PDXDC1: variants seen among roughly 807,000 people sequenced by gnomAD.
PDXDC1 encodes pyridoxal dependent decarboxylase domain containing 1.
Under a neutral mutation model 100.1 loss-of-function variants are expected in PDXDC1, and 42 were observed. That is an observed-to-expected ratio of 0.42 (90% CI 0.33 to 0.54). The LOEUF is 0.54. PDXDC1 is among the 20% of genes least tolerant of loss of function. The pLI is 0.10. For missense variants in PDXDC1, 636 were observed against 979.2 expected (o/e 0.65, Z 4.68); for synonymous variants, 260 against 371.7 (o/e 0.70, Z 3.46).
intron 14 of PDXDC1, among the ~76,000 whole-genome samples, chr16:15,028,417 TTTC>T (rs2042790720): frequency 6.6e-6 from 1 of 152,286 alleles, no homozygotes; most frequent in Non-Finnish European, 1.5e-5. Context: ...ATGGAGTGAT[TTTC>T]TTTCTTTATG....
chr16:15,001,497 TAAATAA>T (rs762572852), intron 3 of PDXDC1, among the ~76,000 whole-genome samples: 5 of 152,250 alleles, frequency 3.3e-5, no homozygotes, highest in Non-Finnish European at 5.9e-5. Context: ...TCAAAATAAA[TAAATAA>T]AAATAAAAAG....
In PDXDC1 at chr16:15,104,227, A is replaced by G. The variant is rs554483002; in HGVS notation, c.1400-34652A>G. ...ATAACCAACCACTTCTAAAGATTAA[A>G]AAAACCCCTACGATTAAAAACCTCA... On this transcript the variant is annotated intron_variant, in intron 16 of 16. Coordinates refer to the PDXDC1 transcript ENST00000535621. 6.1e-5 allele frequency: 73 copies of G among 1,199,748 alleles called. No homozygotes were observed. The African/African-American group carries it at 1.1e-3, about 19-fold the overall frequency. 74.3% of individuals were successfully genotyped at this position (1,199,748 alleles called of 1,614,324 possible).
Position 15,080,952 on chromosome 16 carries a change from G to A in PDXDC1, c.1399+50896G>A, listed in dbSNP as rs576356140. Among the ~76,000 whole-genome samples the A allele has an allele frequency of 2.6e-5, 4 of 151,596 alleles. No individual in the cohort carries two copies. The South Asian group carries it at 8.4e-4, about 32-fold the overall frequency. ...TACACAGTTTGTGGCATGTTTTTAG[G>A]GTTCAATCATGTTGTAACATGTAAA... On this transcript the variant is annotated intron_variant, in intron 16 of 16. Transcript: ENST00000535621.
intron 14 of PDXDC1, 144 bp from the exon 15 acceptor site, chr16:15,028,734 T>C (rs2042821231): frequency 7.2e-6 from 5 of 696,074 alleles, no homozygotes; most frequent in East Asian, 2.8e-5. Flanking sequence ...GTAGCCCTTC[T>C]GTCAGATAAT....
chr16:14,982,269 C>T (rs1178644399), intron 1 of PDXDC1, among the ~76,000 whole-genome samples: 4 of 152,308 alleles, frequency 2.6e-5, no homozygotes, highest in Non-Finnish European at 4.4e-5. Flanking sequence ...CACACTCAAG[C>T]GTAGAGACCA....
chr16:15,140,569 C>G (rs1473489795), downstream of PDXDC1, among the ~76,000 whole-genome samples: 3 of 152,064 alleles, frequency 2.0e-5, no homozygotes, highest in Non-Finnish European at 4.4e-5. Flanking sequence ...TTGGTCACAG[C>G]CATGGGAAAG....
At chr16:15,029,132 C>G (rs1270711366) in intron 15 of PDXDC1, 166 bp downstream of exon 15, 1 of 782,438 alleles carries the variant, frequency 1.3e-6, no homozygotes, top group African/African-American at 1.7e-5. Context: ...TGCGTTACCA[C>G]CTCACGAGCT....
At chr16:15,047,289 C>G in intron 16 of PDXDC1, 1 of 628,138 alleles carries the variant, frequency 1.6e-6, no homozygotes, top group Non-Finnish European at 2.9e-6. Flanking sequence ...ACTGCTGACG[C>G]AGTGCCCACG....
chr16:15,070,665 T>A (rs1338956499), intron 16 of PDXDC1, among the ~76,000 whole-genome samples: 2 of 152,164 alleles, frequency 1.3e-5, no homozygotes, highest in Non-Finnish European at 2.9e-5. Context: ...TGAATAATTT[T>A]GTGGTTGGGG....
intron 16 of PDXDC1, among the ~76,000 whole-genome samples, chr16:15,080,518 C>G (rs1597957291): frequency 1.3e-5 from 2 of 152,176 alleles, no homozygotes. Flanking sequence ...CACTGCAACC[C>G]TGAATTCCCA....
intron 1 of PDXDC1, among the ~76,000 whole-genome samples, chr16:14,978,446 G>A (rs867866023): frequency 8.5e-5 from 13 of 152,292 alleles, no homozygotes; most frequent in South Asian, 2.1e-4. Context: ...CTGGAGAGCC[G>A]TGGTACAATC....
At chr16:15,133,403 G>A in intron 16 of PDXDC1, 1 of 1,098,818 alleles carries the variant, frequency 9.1e-7, no homozygotes, top group Middle Eastern at 2.9e-4. Context: ...GTTGGGCTCT[G>A]GGAGGGTGAT....
chr16:14,984,807 T>A (rs1202980156), intron 1 of PDXDC1, among the ~76,000 whole-genome samples: 2 of 152,338 alleles, frequency 1.3e-5, no homozygotes, highest in South Asian at 4.1e-4. Flanking sequence ...TATAATTTTT[T>A]AAATTCACAC....
At chr16:15,088,931 G>A (rs1598001074) in intron 16 of PDXDC1, among the ~76,000 whole-genome samples, 1 of 151,950 alleles carries the variant, frequency 6.6e-6, no homozygotes, top group East Asian at 1.9e-4. Flanking sequence ...ATGAAAGATG[G>A]AGCCCAGCCA....
chr16:15,094,279 C>G (rs1437159422), intron 16 of PDXDC1: 12 of 1,434,282 alleles, frequency 8.4e-6, no homozygotes, highest in Non-Finnish European at 1.1e-5. Context: ...GGATGCCCAG[C>G]TCCTTCCAGC....
At position 15,038,326 on chromosome 16, in the gene PDXDC1, G is replaced by A. The variant is rs1016694168; in HGVS notation, c.*2051G>A. On this transcript the variant is annotated 3_prime_UTR_variant, in exon 23 of 23. Transcript: ENST00000396410. ...AAATATATATAATAAAATACGTTAA[G>A]AAATGAGGTGGCCTGAATTAGTAAG... 1.3e-6 allele frequency: 1 copy of A among 772,402 alleles called. No individual in the cohort carries two copies. Among genetic ancestry groups the A allele is most frequent in the South Asian group, 2.0e-5 (1 of 49,318 alleles). 47.8% of individuals were successfully genotyped at this position (772,402 alleles called of 1,614,324 possible). A position where few individuals can be genotyped will look rare whatever the true frequency, so the allele number is the denominator to read the frequency against.
At chr16:15,021,051 TTCA>T (rs1242944679) in intron 12 of PDXDC1, among the ~76,000 whole-genome samples, 3 of 152,116 alleles carry the variant, frequency 2.0e-5, no homozygotes, top group Non-Finnish European at 4.4e-5. Flanking sequence ...AGTCCCTTCG[TTCA>T]TCATATGTTA....
chr16:15,145,180 T>TG, the PDXDC1 span, among the ~76,000 whole-genome samples: 152 of 146,604 alleles, frequency 1.0e-3, no homozygotes, highest in African/African-American at 3.3e-3. Flanking sequence ...AAGAGGGTGG[T>TG]GGGGGGGGCC....
intron 16 of PDXDC1, chr16:15,047,650 T>G: frequency 5.0e-6 from 5 of 995,696 alleles, no homozygotes; most frequent in Non-Finnish European, 8.1e-6. Flanking sequence ...CATCTTTGAA[T>G]ATCCTGTAGG....
Sources: allele counts gnomAD v4.1 joint callset (sites outside exome capture counted in the v4.1 genomes callset), GRCh38; gene constraint gnomAD v4.1.1; transcripts MANE v1.5; gene names NCBI Gene and HGNC (gene_info 2026-07-23, HGNC 2026-07-21).